Variants in SLC27A2 observed in about 807,000 individuals in gnomAD.
The protein encoded by SLC27A2 is solute carrier family 27 member 2.
In SLC27A2, 54 loss-of-function variants were observed where a neutral mutation model predicts 60.0. That is an observed-to-expected ratio of 0.90 (90% CI 0.72 to 1.13). The LOEUF (loss-of-function observed/expected upper bound fraction) is 1.13. Among genes scored for constraint, SLC27A2 ranks in the 50% most tolerant of loss-of-function variants. The pLI is 0.00. For synonymous variants in SLC27A2, 297 were observed against 297.6 expected, an observed-to-expected ratio of 1.00 and a Z score of 0.02; for missense variants, 739 against 777.6, an observed-to-expected ratio of 0.95 and a Z score of 0.59.
chr15:50,200,543 A>G (rs16963406), intron 2 of SLC27A2, among the ~76,000 whole-genome samples: 11,383 of 152,256 alleles, frequency 0.075, 469 homozygotes, highest in South Asian at 0.12. Flanking sequence ...TCTGCCTTGT[A>G]ACAAGTTGCT....
rs768776180 is a variant in SLC27A2, at chr15:50,223,171, G to A, written c.1167+12G>A. The A allele has an allele frequency of 6.3e-6, 10 of 1,592,172 alleles. No homozygotes were observed. The African/African-American group carries it at 8.1e-5, about 13-fold the overall frequency. ...ACTACCTACAGAAAGTAAGTACATT[G>A]AAAAATGAGAGCATACGTAGCCAGT... is the stretch of plus-strand genomic sequence containing the variant. On this transcript the variant is annotated intron_variant, in intron 5 of 9. Transcript: ENST00000267842.
chr15:50,211,219 A>T (rs2045152115), intron 4 of SLC27A2, among the ~76,000 whole-genome samples: 1 of 152,216 alleles, frequency 6.6e-6, no homozygotes, highest in African/African-American at 2.4e-5. Context: ...TAAGGATCCC[A>T]TGGAGTCATT....
chr15:50,221,080 C>T (rs1466686378), intron 4 of SLC27A2, among the ~76,000 whole-genome samples: 1 of 152,036 alleles, frequency 6.6e-6, no homozygotes, highest in African/African-American at 2.4e-5. Flanking sequence ...GTAGCACGCA[C>T]CTGTAGTCCC....
chr15:50,203,643 CAT>C (rs1321805431), intron 3 of SLC27A2, among the ~76,000 whole-genome samples: 1 of 152,038 alleles, frequency 6.6e-6, no homozygotes, highest in Non-Finnish European at 1.5e-5. Flanking sequence ...TATACACACA[CAT>C]ATATGCGTGT....
chr15:50,185,121 T>A (rs1413449483), intron 1 of SLC27A2, among the ~76,000 whole-genome samples: 2 of 152,214 alleles, frequency 1.3e-5, no homozygotes, highest in East Asian at 3.8e-4. Flanking sequence ...GGAGTTTTGT[T>A]GACAAAGAAG....
In SLC27A2 at chr15:50,213,995, C is replaced by CA. The variant is rs1352884810; in HGVS notation, c.972+8635dup. Among the ~76,000 whole-genome samples the CA allele has an allele frequency of 6.0e-3, 787 of 130,940 alleles. 2 individuals are homozygous for CA. The highest frequency in any genetic ancestry group is 0.01 in the Non-Finnish European group (620 of 61,054). 85.9% of individuals were successfully genotyped at this position (130,940 alleles called of 152,430 possible). A position where few individuals can be genotyped will look rare whatever the true frequency, so the allele number is the denominator to read the frequency against. ...ACTAAATGAAATTGAAACAAACAAACAAACAAAAAAAAAGATAAATGAAAC... is the reference window on the plus strand; with the variant it reads ...ACTAAATGAAATTGAAACAAACAAACAAAACAAAAAAAAAGATAAATGAAAC... On this transcript the variant is annotated intron_variant, in intron 4 of 9. Transcript: ENST00000267842.
chr15:50,199,518 T>G (rs1175146821), intron 2 of SLC27A2, among the ~76,000 whole-genome samples: 1 of 151,832 alleles, frequency 6.6e-6, no homozygotes, highest in Non-Finnish European at 1.5e-5. Flanking sequence ...AAAACCCCTT[T>G]TAGGGAGAAA....
In SLC27A2 at chr15:50,203,345, A is replaced by G. The variant is rs115070492; in HGVS notation, c.847+700A>G. On this transcript the variant is annotated intron_variant, in intron 3 of 9. Transcript: ENST00000267842. The stretch of plus-strand genomic sequence containing the variant: ...CCCATTTCCACAGCTTTTCAGCTCT[A>G]CTAGAAGGAGAGAAGATGGCAACTC... Among the ~76,000 whole-genome samples, 446 of 146,908 alleles carry G rather than the reference A, an allele frequency of 3.0e-3. 2 individuals are homozygous for G. The highest frequency in any genetic ancestry group is 0.01 in the African/African-American group (420 of 40,430).
At chr15:50,222,606 T>G (rs2045251096) in intron 4 of SLC27A2, among the ~76,000 whole-genome samples, 1 of 152,184 alleles carries the variant, frequency 6.6e-6, no homozygotes, top group Admixed American at 6.5e-5. Flanking sequence ...ACTATGAACA[T>G]ATTATACACA....
Position 50,233,922 on chromosome 15 carries a change from T to C in SLC27A2, c.1610T>C (p.Phe537Ser), listed in dbSNP as rs2045332194. 3.1e-6 allele frequency: 5 copies of C among 1,613,944 alleles called. No individual in the cohort carries two copies. The highest frequency in any genetic ancestry group is 1.7e-5 in the Admixed American group (1 of 59,990). Residue 537 changes from phenylalanine (F) to serine (S), a missense_variant, in exon 9 of 10, where the codon TTT (phenylalanine) becomes TCT (serine). Coordinates refer to ENST00000267842, the MANE Select transcript of SLC27A2 (RefSeq NM_003645.4). ...ASIKMKENHEFDGKKLFQHIA... is the reference protein window; with the variant it reads ...ASIKMKENHESDGKKLFQHIA... Reference sequence around the variant, plus strand: ...ATCAAAATGAAAGAAAACCATGAATTTGATGGAAAGAAACTCTTTCAGCAC... The same window carrying C: ...ATCAAAATGAAAGAAAACCATGAATCTGATGGAAAGAAACTCTTTCAGCAC...
intron 5 of SLC27A2, among the ~76,000 whole-genome samples, chr15:50,224,749 A>G (rs1364443249): frequency 6.6e-6 from 1 of 152,224 alleles, no homozygotes; most frequent in South Asian, 2.1e-4. Flanking sequence ...CTTCAGTCAC[A>G]CTAGCCACAT....
intron 4 of SLC27A2, among the ~76,000 whole-genome samples, chr15:50,215,954 A>T (rs1238016914): frequency 2.0e-5 from 3 of 152,198 alleles, no homozygotes; most frequent in Non-Finnish European, 4.4e-5. Flanking sequence ...AAACAAAGAT[A>T]AATAGCTAGG....
rs2045062193 is a variant in SLC27A2 at position 50,201,384 on chromosome 15, T to C, written c.689-1103T>C. On this transcript the variant is annotated intron_variant, in intron 2 of 9. Coordinates refer to ENST00000267842, the MANE Select transcript of SLC27A2 (RefSeq NM_003645.4). ...AGCTTCTTCACTGCAGCATCATTTA[T>C]AACAGCAAATAGTATAAATAAATTA... is the stretch of plus-strand genomic sequence containing the variant. Among the ~76,000 whole-genome samples, 3 of 152,170 alleles carry C rather than the reference T, an allele frequency of 2.0e-5. No individual in the cohort carries two copies. The South Asian group carries it at 6.2e-4, about 32-fold the overall frequency.
chr15:50,226,283 T>C, intron 6 of SLC27A2: 1 of 514,524 alleles, frequency 1.9e-6, no homozygotes, highest in Non-Finnish European at 3.5e-6. Context: ...AAACATAGCT[T>C]AACAACTTCT....
chr15:50,198,058 G>C (rs779477798), intron 2 of SLC27A2, among the ~76,000 whole-genome samples: 3 of 152,108 alleles, frequency 2.0e-5, no homozygotes, highest in South Asian at 2.1e-4. Context: ...CATATAGACT[G>C]TATAATTGAT....
chr15:50,205,382 T>C lies in SLC27A2; in HGVS notation c.972+19T>C, dbSNP rs756366064. On this transcript the variant is annotated intron_variant, in intron 4 of 9. Transcript: ENST00000267842. ...ACCACAGGTAACACTCCCCCCGTTT[T>C]ACTATCATTTTGAAATGGGTAAGAT... The C allele has an allele frequency of 3.1e-6, 5 of 1,592,486 alleles. No individual in the cohort carries two copies. In the Admixed American group the frequency reaches 5.1e-5, roughly 16 times the overall value.
chr15:50,214,723 AT>A (rs1468106843), intron 4 of SLC27A2, among the ~76,000 whole-genome samples: 1 of 152,210 alleles, frequency 6.6e-6, no homozygotes, highest in Non-Finnish European at 1.5e-5. Flanking sequence ...TCACATGATA[AT>A]CTCAATAGGT....
intron 4 of SLC27A2, among the ~76,000 whole-genome samples, chr15:50,220,662 G>A (rs774293205): frequency 8.5e-5 from 13 of 152,234 alleles, no homozygotes; most frequent in Non-Finnish European, 1.8e-4. Flanking sequence ...TGGGGCGGCA[G>A]TGGGAGGGGG....
intron 1 of SLC27A2, among the ~76,000 whole-genome samples, chr15:50,184,015 C>T (rs2044898364): frequency 1.1e-4 from 1 of 8,784 alleles, no homozygotes. Context: ...TTTTTTTTGA[C>T]AGTCTCGTTC....
Sources: gnomAD v4.1 joint callset for allele counts (sites outside exome capture counted in the v4.1 genomes callset) on GRCh38, gnomAD v4.1.1 for gene constraint, MANE v1.5 for transcripts, NCBI Gene and HGNC (gene_info 2026-07-23, HGNC 2026-07-21) for gene names.